SETD2: variants seen among roughly 807,000 people sequenced by gnomAD.
SETD2 encodes the protein SET domain containing 2, histone lysine methyltransferase, also known as histone-lysine N-methyltransferase SETD2.
In SETD2, 31 loss-of-function variants were observed where a neutral mutation model predicts 242.1. The ratio of observed to expected loss-of-function variants is 0.13; its 90% confidence interval spans 0.10 to 0.17. The LOEUF is 0.17. Ranked by LOEUF, SETD2 falls within the 10% of genes least tolerant of loss-of-function variation. SETD2 has a pLI of 1.00. For missense variants in SETD2, 2,481 were observed against 3,046.3 expected (o/e 0.81, Z 4.37); for synonymous variants, 1,006 against 1,066.5 (o/e 0.94, Z 1.11).
At chr3:47,079,404 C>T (rs2041234906) in intron 12 of SETD2, among the ~76,000 whole-genome samples, 1 of 151,978 alleles carries the variant, frequency 6.6e-6, no homozygotes, top group South Asian at 2.1e-4. Flanking sequence ...GTTGTACAAC[C>T]AAATCACTTC....
In SETD2 at chr3:47,164,043, G is replaced by A. The variant is rs1272709595; in HGVS notation, c.-119C>T. The A allele has an allele frequency of 9.1e-5, 111 of 1,214,668 alleles. No individual in the cohort carries two copies. Among genetic ancestry groups the A allele is most frequent in the Non-Finnish European group, 1.0e-4 (99 of 973,184 alleles). 75.2% of individuals were successfully genotyped at this position (1,214,668 alleles called of 1,614,324 possible). A position where few individuals can be genotyped will look rare whatever the true frequency, so the allele number is the denominator to read the frequency against. On this transcript the variant is annotated 5_prime_UTR_variant, in exon 1 of 21. Coordinates refer to ENST00000409792, the MANE Select transcript of SETD2 (RefSeq NM_014159.7). The surrounding 1 kb of genome is among the most constrained non-coding windows in gnomAD (Gnocchi z 5.4). The stretch of plus-strand genomic sequence containing the variant: ...GGCGGCGGCGGCGGCGGCGGCGGCG[G>A]CAGGGGCGGCCCGCGTCGCTACCTC...
At chr3:47,023,763 T>C (rs975641163) in intron 18 of SETD2, among the ~76,000 whole-genome samples, 4 of 152,210 alleles carry the variant, frequency 2.6e-5, no homozygotes, top group African/African-American at 9.7e-5. Context: ...TTGGGTATTA[T>C]ACGCAACACA....
chr3:47,136,862 A>T (rs879539667), intron 1 of SETD2, among the ~76,000 whole-genome samples: 1 of 152,110 alleles, frequency 6.6e-6, no homozygotes, highest in Non-Finnish European at 1.5e-5. Flanking sequence ...GCTGAGGCAG[A>T]AGAATCACTT....
chr3:47,088,346 A>T, intron 9 of SETD2, 99 bp from the exon 10 acceptor site: 9 of 1,237,162 alleles, frequency 7.3e-6, no homozygotes, highest in Non-Finnish European at 1.0e-5. Flanking sequence ...TTATCAGGAA[A>T]ACACAAATGA....
At position 47,056,923 on chromosome 3, in the gene SETD2, A is replaced by C. The variant is rs2040106938; in HGVS notation, c.6861T>G (p.Ser2287=). The change falls in exon 15 of 21, where the codon TCT becomes TCG. Residue 2287 remains serine (S), a synonymous_variant. Coordinates refer to ENST00000409792, the MANE Select transcript of SETD2 (RefSeq NM_014159.7). ...ATATGGTTGCTTGAGACTGTGCAGG[A>C]GAGTACTGCTGCTGTACACTGACAG... The part of the protein sequence containing the change: ...QQSVSVQQQY[S]PAQSQATIYY... 6.2e-7 allele frequency: 1 copy of C among 1,614,210 alleles called. No individual in the cohort carries two copies. The highest frequency in any genetic ancestry group is 8.5e-7 in the Non-Finnish European group (1 of 1,180,014).
chr3:47,121,154 G>A lies in SETD2; in HGVS notation c.3482C>T (p.Ser1161Phe), dbSNP rs752037107. Residue 1161 changes from serine (S) to phenylalanine (F), a missense_variant, in exon 3 of 21, where the codon TCT becomes TTT. Physicochemically the swap from Ser to Phe is radical, Grantham distance 155. Coordinates refer to ENST00000409792, the MANE Select transcript of SETD2 (RefSeq NM_014159.7). ...KQIDNRLPEL[S>F]HPQSDGVDST... is the part of the protein sequence containing the mutation. ...ATCAACCCCATCACTCTGAGGATGA[G>A]AAAGTTCAGGCAGGCGATTATCTAT... 2 of 1,614,048 alleles carry A rather than the reference G, an allele frequency of 1.2e-6. No homozygotes were observed. Among genetic ancestry groups the A allele is most frequent in the Admixed American group, 1.7e-5 (1 of 60,002 alleles).
At chr3:47,127,476 C>A in intron 1 of SETD2, 1 of 378,220 alleles carries the variant, frequency 2.6e-6, no homozygotes, top group South Asian at 2.0e-5. Context: ...ACTTGTAATC[C>A]CAACACTTTA....
intron 1 of SETD2, among the ~76,000 whole-genome samples, chr3:47,154,573 T>C (rs1378105852): frequency 6.6e-6 from 1 of 152,064 alleles, no homozygotes; most frequent in Non-Finnish European, 1.5e-5. Context: ...ATTAAGTTCT[T>C]GGATATGGTA....
chr3:47,125,998 T>C (rs2043314124), intron 2 of SETD2, among the ~76,000 whole-genome samples: 1 of 152,224 alleles, frequency 6.6e-6, no homozygotes, highest in African/African-American at 2.4e-5. Flanking sequence ...AAGTAAATAC[T>C]TTCACATATA....
Position 47,078,969 on chromosome 3 carries a change from A to G in SETD2, c.6060+4751T>C, listed in dbSNP as rs541859230. ...GGTCTTGAACTCCTGGGCTCAAATG[A>G]TCTGCCCACCTCTGCTGTAACTTAC... is the stretch of plus-strand genomic sequence containing the variant. On this transcript the variant is annotated intron_variant, in intron 12 of 20. Coordinates refer to ENST00000409792, the MANE Select transcript of SETD2 (RefSeq NM_014159.7). Among the ~76,000 whole-genome samples the G allele has an allele frequency of 2.0e-5, 3 of 152,228 alleles. No individual in the cohort carries two copies. The South Asian group carries it at 6.2e-4, about 32-fold the overall frequency.
intron 19 of SETD2, among the ~76,000 whole-genome samples, chr3:47,018,871 T>C (rs577521687): frequency 6.6e-6 from 1 of 152,366 alleles, no homozygotes; most frequent in African/African-American, 2.4e-5. Context: ...CTCTCTTGCC[T>C]CTGTACATTC....
In SETD2 at chr3:47,083,857, T is replaced by C; in HGVS notation, c.5923A>G (p.Asn1975Asp). 4 of 1,614,170 alleles carry C rather than the reference T, an allele frequency of 2.5e-6. No homozygotes were observed. Among genetic ancestry groups the C allele is most frequent in the Non-Finnish European group, 3.4e-6 (4 of 1,180,008 alleles). ...SNGTKLEEPINEETPSQDEEE... is the reference protein window; with the variant it reads ...SNGTKLEEPIDEETPSQDEEE... ...TCATCTTGGGATGGTGTTTCTTCAT[T>C]AATAGGTTCTTCTAGTTTTGTGCCG... Residue 1975 changes from asparagine to aspartate, a missense_variant, in exon 12 of 21, where the codon AAT becomes GAT. Transcript: ENST00000409792.
At chr3:47,152,288 A>G (rs2106828067) in intron 1 of SETD2, among the ~76,000 whole-genome samples, 1 of 152,350 alleles carries the variant, frequency 6.6e-6, no homozygotes, top group South Asian at 2.1e-4. Flanking sequence ...GCACAGAACC[A>G]GTACCATAAA....
intron 16 of SETD2, among the ~76,000 whole-genome samples, chr3:47,044,783 C>T (rs1455598837): frequency 6.6e-6 from 1 of 152,138 alleles, no homozygotes; most frequent in African/African-American, 2.4e-5. Flanking sequence ...GTATATCACA[C>T]AATTCTACAT....
intron 17 of SETD2, among the ~76,000 whole-genome samples, chr3:47,042,319 A>G (rs2039317854): frequency 6.6e-6 from 1 of 152,238 alleles, no homozygotes; most frequent in East Asian, 1.9e-4. Flanking sequence ...TTGAGATCAC[A>G]CCACTGTACT....
chr3:47,032,990 A>G (rs1259401657), intron 18 of SETD2, among the ~76,000 whole-genome samples: 1 of 152,086 alleles, frequency 6.6e-6, no homozygotes, highest in Non-Finnish European at 1.5e-5. Flanking sequence ...TTACAGTATC[A>G]TTTCTGAATT....
intron 12 of SETD2, chr3:47,080,738 G>A: frequency 1.1e-6 from 1 of 949,936 alleles, no homozygotes; most frequent in Non-Finnish European, 1.3e-6. Flanking sequence ...GAGTCAAAAT[G>A]TGTAAGCCTT....
intron 1 of SETD2, among the ~76,000 whole-genome samples, chr3:47,160,188 A>C (rs1160360985): frequency 6.6e-6 from 1 of 152,082 alleles, no homozygotes; most frequent in Non-Finnish European, 1.5e-5. Context: ...AAGGATACTC[A>C]CCCAGTATAC....
In SETD2 at chr3:47,124,207, A is replaced by G. The variant is rs2106722543; in HGVS notation, c.429T>C (p.His143=). Residue 143 remains histidine, a synonymous_variant, in exon 3 of 21, where the codon CAT becomes CAC. Coordinates refer to ENST00000409792, the MANE Select transcript of SETD2 (RefSeq NM_014159.7). ...TTACATGAAGCAGATGTTTCTTAAA[A>G]TGAATTTTGCCCAATTCCACCCTTG... The part of the protein sequence containing the change: ...PKSRVELGKI[H]FKKHLLHVTS... 2 of 1,551,850 alleles carry G rather than the reference A, an allele frequency of 1.3e-6. No individual in the cohort carries two copies. Among genetic ancestry groups the G allele is most frequent in the Non-Finnish European group, 1.7e-6 (2 of 1,147,018 alleles).
Sources: allele counts gnomAD v4.1 joint callset (sites outside exome capture counted in the v4.1 genomes callset), GRCh38; gene constraint gnomAD v4.1.1; non-coding constraint Gnocchi (gnomAD v3.1); transcripts MANE v1.5; gene names NCBI Gene and HGNC (gene_info 2026-07-23, HGNC 2026-07-21).